The following MTHFS variants were observed in gnomAD, a reference collection of about 807,000 sequenced individuals.
MTHFS encodes methenyltetrahydrofolate synthetase.
In MTHFS, 7 loss-of-function variants were observed where a neutral mutation model predicts 12.7. The ratio of observed to expected loss-of-function variants is 0.55; its 90% confidence interval spans 0.31 to 1.03. The LOEUF is 1.03. Ranked by LOEUF, MTHFS falls within the 50% of genes least tolerant of loss-of-function variation. MTHFS has a pLI of 0.05. For missense variants in MTHFS, 252 were observed against 258.1 expected (o/e 0.98, Z 0.16); for synonymous variants, 100 against 97.1 (o/e 1.03, Z -0.18).
intron 2 of MTHFS, among the ~76,000 whole-genome samples, chr15:79,884,342 T>C (rs2034347033): frequency 6.6e-6 from 1 of 152,190 alleles, no homozygotes; most frequent in Non-Finnish European, 1.5e-5. Context: ...ACCCAGAAAG[T>C]GGCCTGAATG....
At chr15:79,850,230 T>C (rs2033689976) in intron 2 of MTHFS, among the ~76,000 whole-genome samples, 1 of 152,238 alleles carries the variant, frequency 6.6e-6, no homozygotes, top group Non-Finnish European at 1.5e-5. Context: ...GAAAGGGGTA[T>C]AGTTTCTCCA....
At chr15:79,896,741 G>A (rs2034580692) in intron 1 of MTHFS, 131 bp downstream of exon 1, 2 of 1,209,714 alleles carry the variant, frequency 1.7e-6, no homozygotes, top group Non-Finnish European at 2.1e-6. Flanking sequence ...GAGGGGAAAC[G>A]TGCGCGCGCC....
chr15:79,868,954 G>C (rs1248292148), intron 2 of MTHFS, among the ~76,000 whole-genome samples: 1 of 152,042 alleles, frequency 6.6e-6, no homozygotes, highest in Non-Finnish European at 1.5e-5. Context: ...TATACACTAG[G>C]TGCATTTTTT....
chr15:79,878,769 C>T (rs2034243511), intron 2 of MTHFS, among the ~76,000 whole-genome samples: 1 of 151,736 alleles, frequency 6.6e-6, no homozygotes, highest in African/African-American at 2.4e-5. Context: ...GTCCTGGCTT[C>T]TTAGATAGTA....
In MTHFS at chr15:79,843,823, G is replaced by A. The variant is rs1347361775; in HGVS notation, c.*1387C>T. The stretch of plus-strand genomic sequence containing the variant: ...AAGACAACATGATAAGCACATCAAT[G>A]GCCAAGGCCACTCAGACAAGGGAAG... On this transcript the variant is annotated 3_prime_UTR_variant, in exon 3 of 3. Transcript: ENST00000258874. 1 of 152,246 alleles carries A rather than the reference G, an allele frequency of 6.6e-6. No individual in the cohort carries two copies. Among genetic ancestry groups the A allele is most frequent in the East Asian group, 1.9e-4 (1 of 5,202 alleles). The allele number at this position is 152,246 out of a possible 1,614,324, so 9.4% of individuals were successfully genotyped here. A position where few individuals can be genotyped will look rare whatever the true frequency, so the allele number is the denominator to read the frequency against.
At chr15:79,893,245 A>T (rs2141380822) in intron 1 of MTHFS, among the ~76,000 whole-genome samples, 1 of 151,846 alleles carries the variant, frequency 6.6e-6, no homozygotes, top group South Asian at 2.1e-4. Context: ...TCTACAAAAA[A>T]TACAAAAATT....
intron 2 of MTHFS, among the ~76,000 whole-genome samples, chr15:79,846,440 AG>A (rs1190737021): frequency 6.6e-6 from 1 of 152,176 alleles, no homozygotes; most frequent in Non-Finnish European, 1.5e-5. Context: ...AAGATATACC[AG>A]GGTTGGAAGC....
chr15:79,853,050 C>T (rs1302432182), intron 2 of MTHFS, among the ~76,000 whole-genome samples: 6 of 152,076 alleles, frequency 3.9e-5, no homozygotes, highest in African/African-American at 1.4e-4. Flanking sequence ...GGACAAGAGG[C>T]CAGGAGTCAA....
At chr15:79,849,656 C>A (rs1428396201) in intron 2 of MTHFS, among the ~76,000 whole-genome samples, 2 of 152,212 alleles carry the variant, frequency 1.3e-5, no homozygotes, top group Non-Finnish European at 2.9e-5. Context: ...TTTCAAATCG[C>A]CAAAGACTCA....
chr15:79,882,214 C>A lies in MTHFS; in HGVS notation c.379+6879G>T, dbSNP rs374896171. ...CTGTAACTCATATTAAAATATCATA[C>A]CATGTAGGATCTTATAACTACTTAT... On this transcript the variant is annotated intron_variant, in intron 2 of 2. Coordinates refer to ENST00000258874, the MANE Select transcript of MTHFS (RefSeq NM_006441.4). Among the ~76,000 whole-genome samples the A allele has an allele frequency of 3.5e-4, 54 of 152,226 alleles. 3 individuals are homozygous for A. In the South Asian group the frequency reaches 0.011, roughly 30 times the overall value.
chr15:79,856,289 T>A (rs1283696154), intron 2 of MTHFS, among the ~76,000 whole-genome samples: 1 of 152,252 alleles, frequency 6.6e-6, no homozygotes, highest in Non-Finnish European at 1.5e-5. Flanking sequence ...CATTTTTTCA[T>A]ATGCTTCTTG....
chr15:79,889,603 A>C (rs2034439804), intron 1 of MTHFS, among the ~76,000 whole-genome samples: 1 of 152,176 alleles, frequency 6.6e-6, no homozygotes, highest in African/African-American at 2.4e-5. Flanking sequence ...GTAGGTGTGA[A>C]AACTCATTAA....
intron 2 of MTHFS, among the ~76,000 whole-genome samples, chr15:79,881,831 T>A (rs915964228): frequency 7.2e-5 from 11 of 152,196 alleles, no homozygotes; most frequent in Non-Finnish European, 1.2e-4. Flanking sequence ...CAGAACTGGG[T>A]GACCTCGCAT....
intron 2 of MTHFS, among the ~76,000 whole-genome samples, chr15:79,871,133 ACTCT>A (rs773636407): frequency 1.3e-5 from 2 of 152,054 alleles, no homozygotes; most frequent in Non-Finnish European, 2.9e-5. Flanking sequence ...ACAGAGTGAG[ACTCT>A]GTCTCAAAAA....
chr15:79,858,252 G>T (rs1264869095), intron 2 of MTHFS, among the ~76,000 whole-genome samples: 1 of 152,090 alleles, frequency 6.6e-6, no homozygotes, highest in African/African-American at 2.4e-5. Flanking sequence ...CTAATCAGTT[G>T]TCTGTAAAGA....
intron 2 of MTHFS, among the ~76,000 whole-genome samples, chr15:79,855,513 T>C (rs1305890615): frequency 6.6e-6 from 1 of 152,194 alleles, no homozygotes; most frequent in East Asian, 1.9e-4. Flanking sequence ...TTCAATAACT[T>C]TTTTATTAAC....
At chr15:79,894,496 G>A (rs2034531600) in intron 1 of MTHFS, among the ~76,000 whole-genome samples, 2 of 152,168 alleles carry the variant, frequency 1.3e-5, no homozygotes, top group South Asian at 2.1e-4. Flanking sequence ...AGGGTCATGG[G>A]TCTGCTTTTT....
intron 2 of MTHFS, among the ~76,000 whole-genome samples, chr15:79,847,277 A>T (rs1421468890): frequency 6.6e-6 from 1 of 152,206 alleles, no homozygotes; most frequent in Non-Finnish European, 1.5e-5. Context: ...GAGTAGCAGA[A>T]GACATGAGTG....
chr15:79,889,459 T>TAAAAATAAAAAAAA, intron 1 of MTHFS, 105 bp from the exon 2 acceptor site: 2 of 740,590 alleles, frequency 2.7e-6, no homozygotes, highest in Non-Finnish European at 1.9e-6. Flanking sequence ...CTTTAAATAT[T>TAAAAATAAAAAAAA]AAAAAGAAAA....
Sources: allele counts gnomAD v4.1 joint callset (sites outside exome capture counted in the v4.1 genomes callset), GRCh38; gene constraint gnomAD v4.1.1; transcripts MANE v1.5; gene names NCBI Gene and HGNC (gene_info 2026-07-23, HGNC 2026-07-21).